Variants in MYOM3 observed in about 807,000 individuals in gnomAD.
MYOM3 encodes the protein myomesin-3.
A neutral mutation model predicts 191.7 loss-of-function variants in MYOM3; 155 were observed. That is an observed-to-expected ratio of 0.81 (90% CI 0.71 to 0.92). MYOM3 has a LOEUF of 0.92. MYOM3 is among the 40% of genes least tolerant of loss of function. The pLI is 0.00. For synonymous variants in MYOM3, 757 were observed against 762.9 expected (o/e 0.99, Z 0.13); for missense variants, 1,889 against 1,890.6 (o/e 1.00, Z 0.02).
rs770309042 is a variant in MYOM3, at chr1:24,074,999, C to T, written c.2858+320G>A. On this transcript the variant is annotated intron_variant, in intron 22 of 36. Transcript: ENST00000374434. Reference sequence around the variant, plus strand: ...GGCTGAGGCGGGAGGATCACTTGCTCTTGGGAGGTCAAGGCTGCAGTGAGC... The same window carrying T: ...GGCTGAGGCGGGAGGATCACTTGCTTTTGGGAGGTCAAGGCTGCAGTGAGC... Among the ~76,000 whole-genome samples, 4 of 152,106 alleles carry T rather than the reference C, an allele frequency of 2.6e-5. No homozygotes were observed. In the South Asian group the frequency reaches 8.3e-4, roughly 32 times the overall value.
chr1:24,090,147 G>A (rs373877973), intron 12 of MYOM3, 29 bp from the exon 13 acceptor site: 1 of 1,577,048 alleles, frequency 6.3e-7, no homozygotes, highest in African/African-American at 1.3e-5. Context: ...ATGGGAGGGT[G>A]GGGGGTGGCA....
At chr1:24,107,379 A>G (rs1643993311) in intron 3 of MYOM3, 147 bp from the exon 4 acceptor site, 12 of 685,828 alleles carry the variant, frequency 1.7e-5, no homozygotes, top group Non-Finnish European at 2.4e-5. Flanking sequence ...CTTGCCTCCA[A>G]AACAGCCTGG....
chr1:24,070,696 C>T (rs1570859380), intron 25 of MYOM3, among the ~76,000 whole-genome samples: 1 of 151,920 alleles, frequency 6.6e-6, no homozygotes, highest in East Asian at 1.9e-4. Flanking sequence ...ATAGTGAGTC[C>T]CCATCTCTAA....
chr1:24,079,551 C>G (rs886460492), intron 20 of MYOM3, among the ~76,000 whole-genome samples: 8 of 152,124 alleles, frequency 5.3e-5, no homozygotes, highest in African/African-American at 1.9e-4. Context: ...ATTCTTTATA[C>G]TGCCTGGCAC....
At chr1:24,089,490 C>A (rs1415147062) in intron 14 of MYOM3, 48 bp downstream of exon 14, 10 of 1,555,574 alleles carry the variant, frequency 6.4e-6, no homozygotes, top group African/African-American at 1.4e-5. Context: ...TCCCACAGCA[C>A]ATCTGTTTCT....
chr1:24,057,153 C>T lies in MYOM3; in HGVS notation c.*211G>A, dbSNP rs1170594104. 8 of 585,340 alleles carry T rather than the reference C, an allele frequency of 1.4e-5. No homozygotes were observed. Among genetic ancestry groups the T allele is most frequent in the Admixed American group, 3.1e-5 (1 of 32,278 alleles). 36.3% of individuals were successfully genotyped at this position (585,340 alleles called of 1,614,324 possible). On this transcript the variant is annotated 3_prime_UTR_variant, in exon 37 of 37. Coordinates refer to ENST00000374434, the MANE Select transcript of MYOM3 (RefSeq NM_152372.4). ...CCTACTCCAGGTCCAGGGTTCATCCCGCTCTCCTGGAAGCCACTCAGGACC... is the reference window on the plus strand; with the variant it reads ...CCTACTCCAGGTCCAGGGTTCATCCTGCTCTCCTGGAAGCCACTCAGGACC...
chr1:24,070,646 G>A (rs1336633624), intron 25 of MYOM3, among the ~76,000 whole-genome samples: 2 of 152,144 alleles, frequency 1.3e-5, no homozygotes, highest in African/African-American at 4.8e-5. Context: ...GAGGCAGAAG[G>A]AGTACTTAAG....
chr1:24,067,878 A>T (rs1301788961), intron 27 of MYOM3, 92 bp downstream of exon 27: 2 of 1,294,124 alleles, frequency 1.5e-6, no homozygotes, highest in Non-Finnish European at 2.2e-6. Context: ...TTGGGGACCC[A>T]GCAGGGCTGG....
At chr1:24,064,735 T>A (rs1343767759) in intron 29 of MYOM3, among the ~76,000 whole-genome samples, 2 of 152,224 alleles carry the variant, frequency 1.3e-5, no homozygotes, top group Non-Finnish European at 2.9e-5. Flanking sequence ...ACACAGCACC[T>A]TCCTTCAGCC....
intron 19 of MYOM3, 92 bp downstream of exon 19, chr1:24,081,238 G>A: frequency 2.6e-6 from 4 of 1,511,420 alleles, no homozygotes; most frequent in Non-Finnish European, 3.6e-6. Flanking sequence ...AAGCCTGAAT[G>A]CATAGAGGAG....
Position 24,099,733 on chromosome 1 carries a change from G to A in MYOM3, c.603C>T (p.Ala201=), listed in dbSNP as rs767159559. 2.2e-5 allele frequency: 36 copies of A among 1,614,058 alleles called. No homozygotes were observed. The South Asian group carries it at 2.7e-4, about 12-fold the overall frequency. Residue 201 remains alanine (A), a synonymous_variant, in exon 6 of 37, where the codon GCC becomes GCT. Transcript: ENST00000374434. Reference sequence around the variant, plus strand: ...AGTTGTTGGTGATTCGGTATTTTCCGGCACGAAAGAGGCGGGGATCAATCC... The same window carrying A: ...AGTTGTTGGTGATTCGGTATTTTCCAGCACGAAAGAGGCGGGGATCAATCC... ...DTRIDPRLFR[A]GKYRITNNYG...
In MYOM3 at chr1:24,063,121, C is replaced by T. The variant is rs546984732; in HGVS notation, c.3770+5G>A. Reference sequence around the variant, plus strand: ...GGCTGGGGTTCTGGGGCAAGGCGGACTTACTTGTGGAACCAGGTGGTTTTC... The same window carrying T: ...GGCTGGGGTTCTGGGGCAAGGCGGATTTACTTGTGGAACCAGGTGGTTTTC... On this transcript the variant is annotated splice_donor_5th_base_variant and intron_variant, in intron 32 of 36. Transcript: ENST00000374434. This position sits in a 1 kb window ranked among gnomAD's most constrained non-coding sequence, Gnocchi z 4.5. 1.4e-4 allele frequency: 221 copies of T among 1,599,734 alleles called. No homozygotes were observed. The highest frequency in any genetic ancestry group is 2.3e-4 in the Admixed American group (14 of 59,888).
intron 25 of MYOM3, 119 bp from the exon 26 acceptor site, chr1:24,068,486 G>A (rs1289572024): frequency 1.6e-6 from 2 of 1,233,020 alleles, no homozygotes; most frequent in Admixed American, 2.0e-5. Context: ...TTCAGAGACT[G>A]GGGCTGGCCG....
At chr1:24,067,117 G>C in intron 27 of MYOM3, 29 bp from the exon 28 acceptor site, 1 of 1,559,174 alleles carries the variant, frequency 6.4e-7, no homozygotes, top group Non-Finnish European at 8.7e-7. Flanking sequence ...TGTGCCCACT[G>C]TCAGAGAGCC....
Position 24,090,815 on chromosome 1 carries a change from C to T in MYOM3, c.1414G>A (p.Ala472Thr). ...SELVVMGDHD[A>T]ARRKTEIPFD... ...TACCCACCTGTCTTCCTCCGGGCTG[C>T]ATCATGGTCACCCATGACAACCAAC... The change falls in exon 12 of 37, where the codon GCA becomes ACA. Residue 472 changes from alanine to threonine, a missense_variant. Physicochemically the swap from Ala to Thr is moderately conservative, Grantham distance 58. Coordinates refer to ENST00000374434, the MANE Select transcript of MYOM3 (RefSeq NM_152372.4). 1 of 1,614,124 alleles carries T rather than the reference C, an allele frequency of 6.2e-7. No individual in the cohort carries two copies. The highest frequency in any genetic ancestry group is 8.5e-7 in the Non-Finnish European group (1 of 1,180,000).
intron 10 of MYOM3, among the ~76,000 whole-genome samples, 155 bp from the exon 11 acceptor site, chr1:24,092,470 C>A (rs370819154): frequency 2.6e-5 from 4 of 152,332 alleles, no homozygotes; most frequent in South Asian, 4.1e-4. Context: ...CCACTACCCC[C>A]ATAGCAGTAT....
At chr1:24,074,390 C>T in intron 22 of MYOM3, 121 bp from the exon 23 acceptor site, 1 of 676,154 alleles carries the variant, frequency 1.5e-6, no homozygotes, top group Non-Finnish European at 2.6e-6. Flanking sequence ...AGACCCTGGC[C>T]AAGTCAGGAA....
At chr1:24,066,955 T>G in intron 28 of MYOM3, 66 bp downstream of exon 28, 1 of 1,443,648 alleles carries the variant, frequency 6.9e-7, no homozygotes, top group African/African-American at 1.4e-5. Context: ...GGACAGCAAC[T>G]GGGCTTGGGG....
Position 24,059,622 on chromosome 1 carries a change from C to G in MYOM3, c.3995-643G>C, listed in dbSNP as rs879510201. Among the ~76,000 whole-genome samples the G allele has an allele frequency of 1.4e-4, 22 of 152,362 alleles. 1 individual carries two copies. The East Asian group carries it at 4.0e-3, about 28-fold the overall frequency. On this transcript the variant is annotated intron_variant, in intron 35 of 36. Transcript: ENST00000374434. ...GGTAAGTGGGACTCTGAGACTTCAA[C>G]TGGCAAAATCCACACAACGGGTGTG...
Sources: allele counts gnomAD v4.1 joint callset (sites outside exome capture counted in the v4.1 genomes callset), GRCh38; gene constraint gnomAD v4.1.1; non-coding constraint Gnocchi (gnomAD v3.1); transcripts MANE v1.5; gene names NCBI Gene and HGNC (gene_info 2026-07-23, HGNC 2026-07-21).